The following SCN4A variants were observed in gnomAD, a reference collection of about 807,000 sequenced individuals.
SCN4A encodes the protein sodium voltage-gated channel alpha subunit 4.
In SCN4A, 83 loss-of-function variants were observed where a neutral mutation model predicts 162.0. The observed-to-expected ratio is 0.51, with a 90% CI of 0.43 to 0.61. The LOEUF (loss-of-function observed/expected upper bound fraction) is 0.61, where lower values mean the gene tolerates loss of function less well. SCN4A is among the 20% of genes least tolerant of loss of function. The pLI, the probability that SCN4A is intolerant of heterozygous loss-of-function variation, is 0.00. For missense variants in SCN4A, 2,196 were observed against 2,462.5 expected (o/e 0.89, Z 2.29); for synonymous variants, 944 against 985.1 (o/e 0.96, Z 0.78).
Position 63,967,990 on chromosome 17 carries a change from A to G in SCN4A, c.1036+33T>C, listed in dbSNP as rs766359030. The G allele has an allele frequency of 1.9e-6, 3 of 1,567,050 alleles. No individual in the cohort carries two copies. In the East Asian group the frequency reaches 6.7e-5, roughly 35 times the overall value. ...AGGCTACCCTAGGGACTGGGACAGGATCCCCCTTGCCCGTCACCCTCCCCA... is the reference window on the plus strand; with the variant it reads ...AGGCTACCCTAGGGACTGGGACAGGGTCCCCCTTGCCCGTCACCCTCCCCA... On this transcript the variant is annotated intron_variant, in intron 6 of 23. Coordinates refer to ENST00000435607, the MANE Select transcript of SCN4A (RefSeq NM_000334.4).
chr17:63,951,416 C>T lies in SCN4A; in HGVS notation c.2853+8G>A, dbSNP rs377221069. On this transcript the variant is annotated splice_region_variant and intron_variant, in intron 14 of 23. Transcript: ENST00000435607. The surrounding 1 kb of genome is among the most constrained non-coding windows in gnomAD (Gnocchi z 4.5). ...GCCGGGTCTGTCTGAGCCCCAGCCCCGGCTCACCTTGCTATCCTCAGGCTC... is the reference window on the plus strand; with the variant it reads ...GCCGGGTCTGTCTGAGCCCCAGCCCTGGCTCACCTTGCTATCCTCAGGCTC... The T allele has an allele frequency of 3.6e-5, 56 of 1,572,080 alleles. No homozygotes were observed. Among genetic ancestry groups the T allele is most frequent in the East Asian group, 2.3e-4 (10 of 44,362 alleles).
intron 9 of SCN4A, 27 bp downstream of exon 9, chr17:63,964,441 C>T: frequency 1.2e-6 from 2 of 1,606,890 alleles, no homozygotes; most frequent in Non-Finnish European, 1.7e-6. Context: ...ACCCTGGGTC[C>T]TCTATCTCCT....
At chr17:63,970,940 G>C (rs1241914319) in intron 5 of SCN4A, among the ~76,000 whole-genome samples, 2 of 152,148 alleles carry the variant, frequency 1.3e-5, no homozygotes, top group Admixed American at 1.3e-4. Flanking sequence ...AGCTGAGTCT[G>C]TGCTCTTAAC....
chr17:63,952,758 C>A (rs534627029), intron 13 of SCN4A, among the ~76,000 whole-genome samples: 1 of 152,262 alleles, frequency 6.6e-6, no homozygotes, highest in South Asian at 2.1e-4. Context: ...GCTGCTCCCC[C>A]CCAGCACCCC....
At chr17:63,942,749 G>T in intron 23 of SCN4A, 77 bp downstream of exon 23, 3 of 1,435,604 alleles carry the variant, frequency 2.1e-6, no homozygotes, top group Non-Finnish European at 1.9e-6. Context: ...GCAGGGGCAG[G>T]TGTGTCCGTG....
At position 63,941,071 on chromosome 17, in the gene SCN4A, G is replaced by T. The variant is rs2144773337; in HGVS notation, c.5211C>A (p.Ala1737=). ...EEVCAIKIQR[A]YRRHLLQRSM... The stretch of plus-strand genomic sequence containing the variant: ...AGCGCTGTAGCAGGTGCCGGCGGTA[G>T]GCCCTCTGGATCTTGATGGCGCACA... The change falls in exon 24 of 24, where the codon GCC becomes GCA. Residue 1737 remains alanine, a synonymous_variant. Coordinates refer to ENST00000435607, the MANE Select transcript of SCN4A (RefSeq NM_000334.4). The surrounding 1 kb of genome is among the most constrained non-coding windows in gnomAD (Gnocchi z 6.2). 1 of 1,614,012 alleles carries T rather than the reference G, an allele frequency of 6.2e-7. No homozygotes were observed. Among genetic ancestry groups the T allele is most frequent in the South Asian group, 1.1e-5 (1 of 91,088 alleles).
At chr17:63,947,432 T>C (rs1324296655) in intron 17 of SCN4A, among the ~76,000 whole-genome samples, 3 of 152,124 alleles carry the variant, frequency 2.0e-5, no homozygotes, top group African/African-American at 7.2e-5. Context: ...CGGGGAGGCC[T>C]GTGAGCCCAT....
chr17:63,957,172 C>T lies in SCN4A; in HGVS notation c.2366G>A (p.Gly789Asp). 1 of 1,570,712 alleles carries T rather than the reference C, an allele frequency of 6.4e-7. No individual in the cohort carries two copies. Among genetic ancestry groups the T allele is most frequent in the South Asian group, 1.2e-5 (1 of 83,632 alleles). The change falls in exon 13 of 24, where the codon GGC becomes GAC. Residue 789 changes from glycine to aspartate, a missense_variant. Coordinates refer to ENST00000435607, the MANE Select transcript of SCN4A (RefSeq NM_000334.4). Reference protein sequence around the residue: ...LTVFLMVMVIGNLVVLNLFLA... With the variant: ...LTVFLMVMVIDNLVVLNLFLA... ...GCCAGCCTCACTCACCACAAGATTGCCGATGACCATGACCATGAGGAAGAC... is the reference window on the plus strand; with the variant it reads ...GCCAGCCTCACTCACCACAAGATTGTCGATGACCATGACCATGAGGAAGAC...
intron 13 of SCN4A, among the ~76,000 whole-genome samples, chr17:63,956,952 G>C (rs1046761221): frequency 3.9e-5 from 6 of 152,238 alleles, no homozygotes; most frequent in African/African-American, 7.2e-5. Context: ...TGCTGAATCA[G>C]ACACTCTGGG....
At chr17:63,946,462 G>GCCCCCCCC (rs374261223) in intron 18 of SCN4A, among the ~76,000 whole-genome samples, 23 of 106,678 alleles carry the variant, frequency 2.2e-4, no homozygotes, top group African/African-American at 7.4e-4. Context: ...CATTTTTCTT[G>GCCCCCCCC]CCCCCCCCCC....
In SCN4A at chr17:63,945,079, G is replaced by C; in HGVS notation, c.3721-19C>G. On this transcript the variant is annotated intron_variant, in intron 19 of 23. Coordinates refer to ENST00000435607, the MANE Select transcript of SCN4A (RefSeq NM_000334.4). This position sits in a 1 kb window ranked among gnomAD's most constrained non-coding sequence, Gnocchi z 4.4. ...AGGTGGCCTGAGAGAGTGTGGTTGG[G>C]GAGTGAGCCGGGGGGCTGCTCCCTG... 2 of 1,610,348 alleles carry C rather than the reference G, an allele frequency of 1.2e-6. No individual in the cohort carries two copies. The highest frequency in any genetic ancestry group is 1.7e-6 in the Non-Finnish European group (2 of 1,177,998).
chr17:63,955,136 C>T (rs571746379), intron 13 of SCN4A, among the ~76,000 whole-genome samples: 2 of 152,340 alleles, frequency 1.3e-5, no homozygotes, highest in East Asian at 3.9e-4. Flanking sequence ...GTTATCGTTA[C>T]TGGAGTTACA....
chr17:63,963,384 T>C (rs962258048), intron 10 of SCN4A, among the ~76,000 whole-genome samples: 2 of 152,222 alleles, frequency 1.3e-5, no homozygotes, highest in African/African-American at 4.8e-5. Context: ...CCAGTTCCCA[T>C]AGCAGCCTGG....
chr17:63,969,274 T>C (rs1339721026), intron 5 of SCN4A, among the ~76,000 whole-genome samples: 3 of 152,218 alleles, frequency 2.0e-5, no homozygotes, highest in Admixed American at 1.3e-4. Flanking sequence ...TTATATTCTT[T>C]AGACAGACAA....
chr17:63,964,645 G>T lies in SCN4A; in HGVS notation c.1275C>A (p.Ile425=), dbSNP rs1392358857. 1 of 1,611,302 alleles carries T rather than the reference G, an allele frequency of 6.2e-7. No homozygotes were observed. Among genetic ancestry groups the T allele is most frequent in the Non-Finnish European group, 8.5e-7 (1 of 1,179,084 alleles). ...CCAGGAAGATGATGACCACGAAGAA[G>T]ATCATGTAGGTCTTGCCAGCTGCTC... ...TLRAAGKTYM[I]FFVVIIFLGS... is the part of the protein sequence containing the mutation. Residue 425 remains isoleucine (I), a synonymous_variant, in exon 9 of 24, where the codon ATC becomes ATA. Coordinates refer to ENST00000435607, the MANE Select transcript of SCN4A (RefSeq NM_000334.4).
rs112142736 is a variant in SCN4A at position 63,972,750 on chromosome 17, C to T, written c.92G>A (p.Arg31Gln). ...TRESLAAIEQ[R>Q]AVEEEARLQR... ...CAGCCGGGCCTCCTCCTCCACCGCCCGCTGTTCTATGGCTGCCAGTGACTC... is the reference window on the plus strand; with the variant it reads ...CAGCCGGGCCTCCTCCTCCACCGCCTGCTGTTCTATGGCTGCCAGTGACTC... Residue 31 changes from arginine to glutamine, a missense_variant, in exon 1 of 24, where the codon CGG (arginine) becomes CAG (glutamine). Coordinates refer to ENST00000435607, the MANE Select transcript of SCN4A (RefSeq NM_000334.4). This position sits in a 1 kb window ranked among gnomAD's most constrained non-coding sequence, Gnocchi z 4.3. 14 of 1,613,776 alleles carry T rather than the reference C, an allele frequency of 8.7e-6. No individual in the cohort carries two copies. The East Asian group carries it at 8.9e-5, about 10-fold the overall frequency.
At chr17:63,963,094 A>ATCCATCCGTCCG (rs1312250031) in intron 10 of SCN4A, among the ~76,000 whole-genome samples, 2 of 151,714 alleles carry the variant, frequency 1.3e-5, no homozygotes. Flanking sequence ...CCATCCATCC[A>ATCCATCCGTCCG]TCCATCCGTC....
Position 63,950,101 on chromosome 17 carries a change from C to T in SCN4A, c.2854-573G>A, listed in dbSNP as rs1020618472. On this transcript the variant is annotated intron_variant, in intron 14 of 23. Coordinates refer to ENST00000435607, the MANE Select transcript of SCN4A (RefSeq NM_000334.4). The surrounding 1 kb of genome is among the most constrained non-coding windows in gnomAD (Gnocchi z 4.6). ...GAGTGGGGGAGGCGGGTGCTCCAGC[C>T]GGGCCAGGCTTCCTCCCACCTCCTC... is the stretch of plus-strand genomic sequence containing the variant. Among the ~76,000 whole-genome samples, 7 of 152,106 alleles carry T rather than the reference C, an allele frequency of 4.6e-5. No individual in the cohort carries two copies. The highest frequency in any genetic ancestry group is 7.2e-5 in the African/African-American group (3 of 41,428).
At chr17:63,971,038 C>A (rs1909593192) in intron 5 of SCN4A, 124 bp downstream of exon 5, 16 of 693,648 alleles carry the variant, frequency 2.3e-5, no homozygotes, top group Non-Finnish European at 4.1e-5. Context: ...TATGTCCAGG[C>A]TTTGCTGTGA....
Sources: gnomAD v4.1 joint callset for allele counts (sites outside exome capture counted in the v4.1 genomes callset) on GRCh38, gnomAD v4.1.1 for gene constraint, Gnocchi (gnomAD v3.1) non-coding constraint, MANE v1.5 for transcripts, NCBI Gene and HGNC (gene_info 2026-07-23, HGNC 2026-07-21) for gene names.